Variants in KIAA0825 observed in about 807,000 individuals in gnomAD.
KIAA0825 encodes KIAA0825.
Under a neutral mutation model 147.6 loss-of-function variants are expected in KIAA0825, and 119 were observed. The ratio of observed to expected loss-of-function variants is 0.81; its 90% confidence interval spans 0.69 to 0.94. The LOEUF is 0.94. KIAA0825 is among the 40% of genes least tolerant of loss of function. The pLI is 0.00. For synonymous variants in KIAA0825, 470 were observed against 518.1 expected (o/e 0.91, Z 1.26); for missense variants, 1,381 against 1,472.7 (o/e 0.94, Z 1.02).
intron 3 of KIAA0825, among the ~76,000 whole-genome samples, chr5:94,529,313 CATATATATGTATATATCAT>C (rs1770162958): frequency 7.2e-6 from 1 of 138,510 alleles, no homozygotes; most frequent in African/African-American, 2.7e-5. Context: ...ATGTATATAT[CATATATATGTATATATCAT>C]ATATATGTAT....
intron 20 of KIAA0825, among the ~76,000 whole-genome samples, chr5:94,376,390 C>G (rs1235728142): frequency 6.6e-6 from 1 of 152,126 alleles, no homozygotes; most frequent in Non-Finnish European, 1.5e-5. Flanking sequence ...TCAAGAGTAC[C>G]TGTCCCTTGT....
At chr5:94,268,971 C>G (rs1314894221) in intron 20 of KIAA0825, among the ~76,000 whole-genome samples, 1 of 152,118 alleles carries the variant, frequency 6.6e-6, no homozygotes, top group Admixed American at 6.5e-5. Context: ...ATAAAGGAAG[C>G]ATAAAATTAG....
intron 5 of KIAA0825, among the ~76,000 whole-genome samples, chr5:94,518,227 T>C (rs933412312): frequency 6.6e-6 from 1 of 152,170 alleles, no homozygotes; most frequent in African/African-American, 2.4e-5. Context: ...ACATTATCAT[T>C]GGGTCAAATA....
intron 20 of KIAA0825, among the ~76,000 whole-genome samples, chr5:94,230,941 A>G (rs1231908169): frequency 6.6e-6 from 1 of 152,152 alleles, no homozygotes; most frequent in African/African-American, 2.4e-5. Context: ...TAGCCTCCAA[A>G]TAGATATTGA....
intron 20 of KIAA0825, among the ~76,000 whole-genome samples, chr5:94,218,928 G>T (rs1773438027): frequency 6.6e-6 from 1 of 151,978 alleles, no homozygotes; most frequent in Non-Finnish European, 1.5e-5. Flanking sequence ...CAGCTTTGGG[G>T]TCTTATTTAT....
At chr5:94,473,556 A>C in intron 7 of KIAA0825, 37 bp from the exon 8 acceptor site, 1 of 1,240,546 alleles carries the variant, frequency 8.1e-7, no homozygotes, top group Non-Finnish European at 1.1e-6. Flanking sequence ...TGTTAATCTT[A>C]ACTCAGCAAC....
chr5:94,412,205 G>A (rs1235738462), intron 15 of KIAA0825, among the ~76,000 whole-genome samples: 4 of 152,118 alleles, frequency 2.6e-5, no homozygotes, highest in Admixed American at 6.5e-5. Flanking sequence ...AGAACATGAA[G>A]AGGTGTTCAA....
intron 3 of KIAA0825, 60 bp downstream of exon 3, chr5:94,536,936 G>C: frequency 8.2e-7 from 1 of 1,225,678 alleles, no homozygotes. Flanking sequence ...AATAGACCAG[G>C]TAAATTTCAT....
chr5:94,521,400 C>G lies in KIAA0825; in HGVS notation c.301-483G>C, dbSNP rs943980238. 5.3e-5 allele frequency among the ~76,000 whole-genome samples: 8 copies of G among 151,712 alleles called. No homozygotes were observed. The East Asian group carries it at 1.5e-3, about 29-fold the overall frequency. ...TATCATACAATACTTTAAAATCATTCTAGAATATAGATCTTTAAATATAGT... is the reference window on the plus strand; with the variant it reads ...TATCATACAATACTTTAAAATCATTGTAGAATATAGATCTTTAAATATAGT... On this transcript the variant is annotated intron_variant, in intron 4 of 20. Transcript: ENST00000682413.
chr5:94,205,839 A>G (rs1772147800), intron 20 of KIAA0825, among the ~76,000 whole-genome samples: 2 of 152,154 alleles, frequency 1.3e-5, no homozygotes, highest in Admixed American at 6.5e-5. Flanking sequence ...TAGGATGCCC[A>G]TATAATTTTA....
intron 14 of KIAA0825, among the ~76,000 whole-genome samples, chr5:94,439,062 G>A (rs1305765005): frequency 6.6e-6 from 1 of 152,202 alleles, no homozygotes; most frequent in African/African-American, 2.4e-5. Context: ...GAGCCAAGGT[G>A]TGGAGTGAAC....
intron 5 of KIAA0825, among the ~76,000 whole-genome samples, chr5:94,500,049 G>A (rs139461658): frequency 1.1e-3 from 163 of 152,246 alleles, no homozygotes; most frequent in African/African-American, 3.7e-3. Context: ...GGTGGCACAC[G>A]CGACATCATG....
At chr5:94,215,150 A>T (rs1773085448) in intron 20 of KIAA0825, among the ~76,000 whole-genome samples, 1 of 152,202 alleles carries the variant, frequency 6.6e-6, no homozygotes, top group African/African-American at 2.4e-5. Flanking sequence ...AGATGGAATG[A>T]TGGTCAAGGA....
At chr5:94,339,805 T>C (rs1043862349) in intron 20 of KIAA0825, among the ~76,000 whole-genome samples, 3 of 152,242 alleles carry the variant, frequency 2.0e-5, no homozygotes, top group Admixed American at 2.0e-4. Context: ...TTGAATTTGG[T>C]AGCATAAGAC....
rs193274523 is a variant in KIAA0825 at position 94,525,281 on chromosome 5, G to T, written c.132-1183C>A. The stretch of plus-strand genomic sequence containing the variant: ...CCAAGCGCTCATTATTAAAATAGAT[G>T]TCATACGAAAGACTCTTTGAAATTC... On this transcript the variant is annotated intron_variant, in intron 3 of 20. Coordinates refer to ENST00000682413, the MANE Select transcript of KIAA0825 (RefSeq NM_001145678.3). Among the ~76,000 whole-genome samples the T allele has an allele frequency of 3.9e-5, 6 of 151,984 alleles. No homozygotes were observed. In the East Asian group the frequency reaches 1.2e-3, roughly 29 times the overall value.
chr5:94,297,810 G>A (rs893887057), intron 20 of KIAA0825, among the ~76,000 whole-genome samples: 1 of 151,084 alleles, frequency 6.6e-6, no homozygotes, highest in Non-Finnish European at 1.5e-5. Flanking sequence ...TGGCCAGGCT[G>A]GTCTCAAACT....
At position 94,457,119 on chromosome 5, in the gene KIAA0825, G is replaced by A. The variant is rs560342069; in HGVS notation, c.2247-4050C>T. Among the ~76,000 whole-genome samples the A allele has an allele frequency of 3.3e-5, 5 of 152,278 alleles. No individual in the cohort carries two copies. In the South Asian group the frequency reaches 6.2e-4, roughly 19 times the overall value. On this transcript the variant is annotated intron_variant, in intron 12 of 20. Transcript: ENST00000682413. ...CTCAAAGGGAGTGAGATCTGTATGA[G>A]CATTTAATTCCACAGCAAGATCCCA...
chr5:94,520,514 G>T lies in KIAA0825; in HGVS notation c.704C>A (p.Ser235Ter). ...WNCFPSYNRDSNLDVIAHGYQ... is the reference protein window; with the variant it reads ...WNCFPSYNRD Reference sequence around the variant, plus strand: ...TCCATGAGCTATTACATCTAAATTTGAATCTCTGTTGTAAGAAGGAAAGCA... The same window carrying T: ...TCCATGAGCTATTACATCTAAATTTTAATCTCTGTTGTAAGAAGGAAAGCA... The change falls in exon 5 of 21, where the codon TCA becomes TAA. Residue 235 changes from serine to a stop codon, truncating the protein, a stop_gained. Transcript: ENST00000682413. LOFTEE classifies it high-confidence loss of function. 1 of 1,612,702 alleles carries T rather than the reference G, an allele frequency of 6.2e-7. No individual in the cohort carries two copies. Among genetic ancestry groups the T allele is most frequent in the South Asian group, 1.1e-5 (1 of 91,020 alleles).
At chr5:94,611,962 C>CA (rs1002239435) in intron 1 of KIAA0825, 4 of 151,620 alleles carry the variant, frequency 2.6e-5, no homozygotes, top group Non-Finnish European at 5.9e-5. Flanking sequence ...AACAAACAAA[C>CA]AAAAAAAGAT....
Sources: gnomAD v4.1 joint callset for allele counts (sites outside exome capture counted in the v4.1 genomes callset) on GRCh38, gnomAD v4.1.1 for gene constraint, MANE v1.5 for transcripts, NCBI Gene and HGNC (gene_info 2026-07-23, HGNC 2026-07-21) for gene names.